Variants in ITPR1 observed in about 807,000 individuals in gnomAD.
ITPR1 encodes the protein inositol 1,4,5-trisphosphate receptor type 1.
Under a neutral mutation model 318.4 loss-of-function variants are expected in ITPR1, and 96 were observed. The ratio of observed to expected loss-of-function variants is 0.30; its 90% confidence interval spans 0.26 to 0.36. The LOEUF (loss-of-function observed/expected upper bound fraction) is 0.36, where lower values mean the gene tolerates loss of function less well. Ranked by LOEUF, ITPR1 falls within the 10% of genes least tolerant of loss-of-function variation. The probability of loss-of-function intolerance (pLI) is 1.00; values close to 1 mark genes in which losing one functional copy is unlikely to be tolerated. For missense variants in ITPR1, 2,440 were observed against 3,460.2 expected (o/e 0.71, Z 7.40); for synonymous variants, 1,312 against 1,289.9 (o/e 1.02, Z -0.37).
chr3:4,692,345 A>G (rs1249384528), intron 32 of ITPR1, among the ~76,000 whole-genome samples: 1 of 152,212 alleles, frequency 6.6e-6, no homozygotes, highest in Non-Finnish European at 1.5e-5. Flanking sequence ...ATTAATGCCT[A>G]ACACTTTTTG....
chr3:4,804,447 G>A (rs940297692), intron 54 of ITPR1, among the ~76,000 whole-genome samples: 1 of 152,224 alleles, frequency 6.6e-6, no homozygotes, highest in African/African-American at 2.4e-5. Flanking sequence ...TGAGAGGTGG[G>A]GATGGAAGCC....
intron 52 of ITPR1, among the ~76,000 whole-genome samples, chr3:4,793,302 C>T (rs1028393162): frequency 1.3e-5 from 2 of 152,208 alleles, no homozygotes; most frequent in African/African-American, 4.8e-5. Context: ...CGGAGCACTC[C>T]CTCTGAAACG....
intron 61 of ITPR1, among the ~76,000 whole-genome samples, chr3:4,844,460 T>A (rs2051606384): frequency 6.6e-6 from 1 of 152,190 alleles, no homozygotes; most frequent in Non-Finnish European, 1.5e-5. Flanking sequence ...TTTGAACACT[T>A]GAGATTATCC....
At chr3:4,652,295 C>T in intron 11 of ITPR1, 77 bp downstream of exon 11, 8 of 1,023,686 alleles carry the variant, frequency 7.8e-6, no homozygotes, top group South Asian at 1.4e-5. Context: ...CTGTAGCCGT[C>T]GTGTTGTAAA....
intron 37 of ITPR1, among the ~76,000 whole-genome samples, chr3:4,708,645 G>C (rs183296583): frequency 6.6e-5 from 10 of 152,292 alleles, no homozygotes; most frequent in African/African-American, 2.2e-4. Flanking sequence ...CTGGTTTCTT[G>C]TGCTCTTCTT....
chr3:4,706,270 G>T lies in ITPR1; in HGVS notation c.4761G>T (p.Arg1587=), dbSNP rs1374137673. The change falls in exon 37 of 62, where the codon CGG becomes CGT. Residue 1587 remains arginine (R), a synonymous_variant. Coordinates refer to ENST00000649015, the MANE Select transcript of ITPR1 (RefSeq NM_001378452.1). The stretch of plus-strand genomic sequence containing the variant: ...TGCAGAAAACAGCCATGAACTGGCG[G>T]CTCTCAGCCCGCAATGCCGCACGCA... ...SIVQKTAMNW[R]LSARNAARRD... The T allele has an allele frequency of 3.7e-6, 6 of 1,613,906 alleles. No homozygotes were observed. The highest frequency in any genetic ancestry group is 1.6e-4 in the Middle Eastern group (1 of 6,084).
chr3:4,633,861 T>G (rs2093094232), intron 5 of ITPR1, among the ~76,000 whole-genome samples: 1 of 152,232 alleles, frequency 6.6e-6, no homozygotes, highest in South Asian at 2.1e-4. Context: ...CCTTATTGTC[T>G]GGGTACTACA....
chr3:4,695,480 A>G (rs1039240726), intron 33 of ITPR1, among the ~76,000 whole-genome samples: 4 of 152,234 alleles, frequency 2.6e-5, no homozygotes, highest in Non-Finnish European at 5.9e-5. Flanking sequence ...GATTATAAAG[A>G]GAACAGCTTT....
chr3:4,652,920 A>G (rs924380125), intron 11 of ITPR1, among the ~76,000 whole-genome samples: 13 of 152,260 alleles, frequency 8.5e-5, no homozygotes, highest in East Asian at 3.9e-4. Context: ...CACGGGAGGC[A>G]GAGGTTGCAG....
At position 4,673,231 on chromosome 3, in the gene ITPR1, G is replaced by A. The variant is rs760141315; in HGVS notation, c.2300G>A (p.Arg767His). ...SGQLDVDLIL[R>H]CMSDENLPYD... ...CAGCTGGATGTCGATCTCATTCTCC[G>A]CTGCATGTCTGACGAGAACCTGCCC... The change falls in exon 21 of 62, where the codon CGC becomes CAC. Residue 767 changes from arginine (R) to histidine (H), a missense_variant. Around this residue, in one of 23 missense-constraint regions of ITPR1, gnomAD observed 478 missense variants for 696.3 expected, o/e 0.69. Coordinates refer to ENST00000649015, the MANE Select transcript of ITPR1 (RefSeq NM_001378452.1). 1.1e-5 allele frequency: 18 copies of A among 1,613,728 alleles called. No homozygotes were observed. Among genetic ancestry groups the A allele is most frequent in the Admixed American group, 1.7e-5 (1 of 59,988 alleles).
At chr3:4,768,238 T>C in intron 45 of ITPR1, 1 of 342,908 alleles carries the variant, frequency 2.9e-6, no homozygotes, top group Non-Finnish European at 5.3e-6. Context: ...ACCTTAGATG[T>C]GTGAGGCTGA....
chr3:4,559,945 A>G (rs2086511663), intron 4 of ITPR1, among the ~76,000 whole-genome samples: 1 of 152,192 alleles, frequency 6.6e-6, no homozygotes, highest in Admixed American at 6.5e-5. Flanking sequence ...ACTGGTTCAG[A>G]GCATGAGTTC....
At chr3:4,525,649 A>G (rs2082919766) in intron 4 of ITPR1, among the ~76,000 whole-genome samples, 1 of 152,218 alleles carries the variant, frequency 6.6e-6, no homozygotes, top group African/African-American at 2.4e-5. Flanking sequence ...TCTTTTATTA[A>G]TATGGTACCA....
chr3:4,764,976 G>A (rs547886193), intron 44 of ITPR1, among the ~76,000 whole-genome samples: 3 of 146,842 alleles, frequency 2.0e-5, no homozygotes, highest in African/African-American at 7.3e-5. Flanking sequence ...ATGGATGGAT[G>A]GATGGATGGA....
chr3:4,517,279 C>T (rs563794901), intron 3 of ITPR1, among the ~76,000 whole-genome samples: 19 of 152,280 alleles, frequency 1.2e-4, no homozygotes, highest in Non-Finnish European at 2.4e-4. Flanking sequence ...AATGGAGAAT[C>T]AAGATGGTTA....
At chr3:4,524,301 GT>G (rs56380229) in intron 4 of ITPR1, among the ~76,000 whole-genome samples, 23,372 of 72,776 alleles carry the variant, frequency 0.32, 2,580 homozygotes, top group Non-Finnish European at 0.34. Context: ...ATACTTTGAC[GT>G]TTTTTTTTTT....
intron 23 of ITPR1, 57 bp from the exon 24 acceptor site, chr3:4,676,557 T>C: frequency 1.1e-5 from 15 of 1,362,120 alleles, no homozygotes; most frequent in South Asian, 8.7e-5. Context: ...CCTTGACATA[T>C]GCCTCTGAGC....
chr3:4,811,772 T>A (rs2048954601), intron 56 of ITPR1, among the ~76,000 whole-genome samples: 1 of 152,202 alleles, frequency 6.6e-6, no homozygotes, highest in Non-Finnish European at 1.5e-5. Context: ...TCCCTTTAAC[T>A]GAGTAAATCT....
intron 5 of ITPR1, among the ~76,000 whole-genome samples, chr3:4,630,810 A>G (rs765508655): frequency 8.6e-5 from 13 of 151,696 alleles, no homozygotes; most frequent in South Asian, 4.2e-4. Context: ...CTGGTCTCGA[A>G]CTCCTGACCT....
Sources: gnomAD v4.1 joint callset for allele counts (sites outside exome capture counted in the v4.1 genomes callset) on GRCh38, gnomAD v4.1.1 for gene constraint, gnomAD v4.1.1 regional missense constraint, MANE v1.5 for transcripts, NCBI Gene and HGNC (gene_info 2026-07-23, HGNC 2026-07-21) for gene names.